SLC39A11: variants seen among roughly 807,000 people sequenced by gnomAD.
SLC39A11 encodes solute carrier family 39 member 11, also known as zinc transporter ZIP11.
A neutral mutation model predicts 36.1 loss-of-function variants in SLC39A11; 33 were observed. The observed-to-expected ratio is 0.91, with a 90% CI of 0.69 to 1.22. The LOEUF (loss-of-function observed/expected upper bound fraction) is 1.22. Among genes scored for constraint, SLC39A11 ranks in the 50% most tolerant of loss-of-function variants. SLC39A11 has a pLI of 0.00. For synonymous variants in SLC39A11, 166 were observed against 170.3 expected, an observed-to-expected ratio of 0.97 and a Z score of 0.20; for missense variants, 432 against 430.3, an observed-to-expected ratio of 1.00 and a Z score of -0.03.
rs535037524 is a variant in SLC39A11, at chr17:72,953,222, G to A, written c.307-5347C>T. 2.0e-5 allele frequency among the ~76,000 whole-genome samples: 3 copies of A among 152,006 alleles called. No homozygotes were observed. In the South Asian group the frequency reaches 6.3e-4, roughly 32 times the overall value. On this transcript the variant is annotated intron_variant, in intron 4 of 9. Coordinates refer to ENST00000255559, the MANE Select transcript of SLC39A11 (RefSeq NM_139177.4). The stretch of plus-strand genomic sequence containing the variant: ...TATCATAATGATTCTTCTTCTTGGT[G>A]GGGGGCCAATCCCTGGCTCGGAATA...
intron 2 of SLC39A11, 44 bp from the exon 3 acceptor site, chr17:73,084,890 G>A: frequency 1.2e-6 from 2 of 1,601,616 alleles, no homozygotes; most frequent in Non-Finnish European, 1.7e-6. Flanking sequence ...GAGACAATAA[G>A]ATGATGTTTC....
chr17:72,851,615 T>C (rs976041660), intron 5 of SLC39A11, among the ~76,000 whole-genome samples: 4 of 152,196 alleles, frequency 2.6e-5, no homozygotes, highest in Admixed American at 6.5e-5. Flanking sequence ...TAGGAGTATA[T>C]ATTTTTTGTA....
intron 5 of SLC39A11, among the ~76,000 whole-genome samples, chr17:72,915,046 G>A (rs2083255224): frequency 6.6e-6 from 1 of 152,024 alleles, no homozygotes; most frequent in Non-Finnish European, 1.5e-5. Context: ...ATGGATGTTC[G>A]CTGTCCTGAC....
chr17:72,741,761 C>T (rs1478367754), intron 6 of SLC39A11, among the ~76,000 whole-genome samples: 1 of 152,068 alleles, frequency 6.6e-6, no homozygotes, highest in Non-Finnish European at 1.5e-5. Flanking sequence ...GTTCTGAGTC[C>T]GAGGCCCAGG....
At chr17:72,764,325 G>A (rs776970727) in intron 6 of SLC39A11, among the ~76,000 whole-genome samples, 19 of 152,276 alleles carry the variant, frequency 1.2e-4, no homozygotes, top group East Asian at 5.8e-4. Context: ...CCTTCCTAGC[G>A]GTTCAGCTGT....
chr17:72,761,183 C>T (rs1168349810), intron 6 of SLC39A11, among the ~76,000 whole-genome samples: 4 of 152,060 alleles, frequency 2.6e-5, no homozygotes, highest in Admixed American at 6.6e-5. Flanking sequence ...GGCATGATCT[C>T]GGTTCACTGC....
chr17:72,800,303 A>ATTTTTTTTTTTTTTTTTTTTTTTTTTTT, intron 6 of SLC39A11, among the ~76,000 whole-genome samples: 1 of 90,368 alleles, frequency 1.1e-5, no homozygotes, highest in Non-Finnish European at 2.3e-5. Flanking sequence ...ACCTACAATA[A>ATTTTTTTTTTTTTTTTTTTTTTTTTTTT]TTTTTTTTTT....
chr17:73,057,762 A>T (rs1390997247), intron 3 of SLC39A11, among the ~76,000 whole-genome samples: 1 of 152,090 alleles, frequency 6.6e-6, no homozygotes, highest in African/African-American at 2.4e-5. Context: ...ACATGGTGAA[A>T]CCCTGTCTCT....
intron 6 of SLC39A11, among the ~76,000 whole-genome samples, chr17:72,776,717 T>C (rs564843724): frequency 6.8e-6 from 1 of 146,664 alleles, no homozygotes; most frequent in Admixed American, 6.7e-5. Flanking sequence ...GCATTATATA[T>C]ATACCCGTGG....
chr17:72,955,906 C>T (rs924584193), intron 4 of SLC39A11, among the ~76,000 whole-genome samples: 3 of 152,044 alleles, frequency 2.0e-5, no homozygotes, highest in African/African-American at 4.8e-5. Context: ...AAAAGCGTGA[C>T]GTTCCATCCA....
intron 7 of SLC39A11, among the ~76,000 whole-genome samples, chr17:72,661,076 G>T (rs78632808): frequency 0.039 from 5,953 of 152,290 alleles, 130 homozygotes; most frequent in Middle Eastern, 0.078. Flanking sequence ...TGGAGTGCAG[G>T]CTTCTAGGGA....
intron 5 of SLC39A11, among the ~76,000 whole-genome samples, chr17:72,911,572 C>T (rs973031593): frequency 6.6e-6 from 1 of 152,128 alleles, no homozygotes; most frequent in Admixed American, 6.6e-5. Context: ...TCCTTCCGCT[C>T]GCCCAGGCAA....
chr17:73,074,287 C>T (rs142949887), intron 3 of SLC39A11, among the ~76,000 whole-genome samples: 322 of 150,882 alleles, frequency 2.1e-3, no homozygotes, highest in Middle Eastern at 6.8e-3. Flanking sequence ...TGACTTCATG[C>T]TACAATTATT....
chr17:73,025,319 G>T (rs189331087), intron 4 of SLC39A11, among the ~76,000 whole-genome samples: 219 of 152,280 alleles, frequency 1.4e-3, no homozygotes, highest in Non-Finnish European at 2.6e-3. Flanking sequence ...GGGAGAGGAG[G>T]GGGAGGGGAG....
chr17:72,716,968 C>CAAAA (rs761854832), intron 7 of SLC39A11, among the ~76,000 whole-genome samples: 1,399 of 89,706 alleles, frequency 0.016, 31 homozygotes, highest in African/African-American at 0.061. Flanking sequence ...GACCCTGTCT[C>CAAAA]AAAAAAAAAA....
intron 6 of SLC39A11, among the ~76,000 whole-genome samples, chr17:72,815,233 A>G (rs566534857): frequency 6.6e-6 from 1 of 152,314 alleles, no homozygotes; most frequent in African/African-American, 2.4e-5. Context: ...AGGGGAAGGG[A>G]AGGGAGAGCC....
At chr17:72,710,508 A>G (rs773240139) in intron 7 of SLC39A11, among the ~76,000 whole-genome samples, 1 of 152,234 alleles carries the variant, frequency 6.6e-6, no homozygotes, top group South Asian at 2.1e-4. Context: ...CCCTCTTGCC[A>G]TATGAGGACA....
intron 6 of SLC39A11, among the ~76,000 whole-genome samples, chr17:72,746,604 G>C (rs1006363782): frequency 6.6e-6 from 1 of 152,150 alleles, no homozygotes; most frequent in Non-Finnish European, 1.5e-5. Context: ...CGGGCGTGGT[G>C]GTGGGCACCT....
rs142648489 is a variant in SLC39A11, at chr17:72,797,128, T to C, written c.601+52506A>G. Among the ~76,000 whole-genome samples the C allele has an allele frequency of 6.4e-3, 978 of 152,192 alleles. 7 individuals are homozygous for C. The highest frequency in any genetic ancestry group is 0.01 in the Non-Finnish European group (689 of 68,022). Reference sequence around the variant, plus strand: ...ATTGTTCCATGTTCAATGTGCCTAATACAAAACAAGAATCTACCTACAAGG... The same window carrying C: ...ATTGTTCCATGTTCAATGTGCCTAACACAAAACAAGAATCTACCTACAAGG... On this transcript the variant is annotated intron_variant, in intron 6 of 9. Coordinates refer to ENST00000255559, the MANE Select transcript of SLC39A11 (RefSeq NM_139177.4).
Sources: gnomAD v4.1 joint callset for allele counts (sites outside exome capture counted in the v4.1 genomes callset) on GRCh38, gnomAD v4.1.1 for gene constraint, MANE v1.5 for transcripts, NCBI Gene and HGNC (gene_info 2026-07-23, HGNC 2026-07-21) for gene names.